ZNF729: variants seen among roughly 807,000 people sequenced by gnomAD.
ZNF729 encodes the protein zinc finger protein 729.
In ZNF729, 15 loss-of-function variants were observed where a neutral mutation model predicts 12.2. That is an observed-to-expected ratio of 1.23 (90% CI 0.82 to 1.89). ZNF729 has a LOEUF of 1.89. Among genes scored for constraint, ZNF729 ranks in the 40% most tolerant of loss-of-function variants. The probability of loss-of-function intolerance (pLI) is 0.00; values close to 1 mark genes in which losing one functional copy is unlikely to be tolerated. For synonymous variants in ZNF729, 492 were observed against 476.3 expected (o/e 1.03, Z -0.43); for missense variants, 1,540 against 1,456.7 (o/e 1.06, Z -0.93).
intron 3 of ZNF729, among the ~76,000 whole-genome samples, chr19:22,305,256 C>A (rs930534076): frequency 6.6e-6 from 1 of 152,178 alleles, no homozygotes; most frequent in African/African-American, 2.4e-5. Flanking sequence ...GCACACACTT[C>A]TTGTACAGTC....
rs1481258551 is a variant in ZNF729 at position 22,315,170 on chromosome 19, T to A, written c.1753T>A (p.Ser585Thr). 4.3e-6 allele frequency: 7 copies of A among 1,611,742 alleles called. No individual in the cohort carries two copies. Among genetic ancestry groups the A allele is most frequent in the Middle Eastern group, 3.3e-4 (2 of 6,054 alleles). Residue 585 changes from serine to threonine, a missense_variant, in exon 4 of 4, where the codon TCA becomes ACA. Physicochemically the swap from Ser to Thr is moderately conservative, Grantham distance 58 (BLOSUM62 1). Coordinates refer to ENST00000601693, the MANE Select transcript of ZNF729 (RefSeq NM_001242680.2). Reference protein sequence around the residue: ...EECGKAFKHFSALRKHKVIHT... With the variant: ...EECGKAFKHFTALRKHKVIHT... ...ATGTGGCAAAGCTTTTAAGCATTTCTCAGCCCTCAGAAAACATAAGGTAAT... is the reference window on the plus strand; with the variant it reads ...ATGTGGCAAAGCTTTTAAGCATTTCACAGCCCTCAGAAAACATAAGGTAAT...
At chr19:22,289,913 A>G (rs1364961142) in intron 1 of ZNF729, among the ~76,000 whole-genome samples, 1 of 152,180 alleles carries the variant, frequency 6.6e-6, no homozygotes, top group East Asian at 1.9e-4. Flanking sequence ...GGAAATAGTA[A>G]AATAATATTT....
At chr19:22,287,848 CTT>C (rs542002326) in intron 1 of ZNF729, among the ~76,000 whole-genome samples, 22 of 138,204 alleles carry the variant, frequency 1.6e-4, no homozygotes, top group Admixed American at 1.5e-4. Context: ...ACTATTTGTC[CTT>C]TTTTTTTTTT....
In ZNF729 at chr19:22,312,393, T is replaced by C. The variant is rs142017679; in HGVS notation, c.254-1278T>C. Among the ~76,000 whole-genome samples the C allele has an allele frequency of 1.2e-3, 187 of 151,700 alleles. 1 individual carries two copies. Among genetic ancestry groups the C allele is most frequent in the African/African-American group, 4.3e-3 (176 of 41,228 alleles). ...TGAAACCAATTGTCTTGGCTAGAGA[T>C]TCTGGGAGTCTGTCAAACATGTTCT... On this transcript the variant is annotated intron_variant, in intron 3 of 3. Transcript: ENST00000601693.
intron 1 of ZNF729, among the ~76,000 whole-genome samples, chr19:22,290,787 CTG>C (rs1483630028): frequency 6.6e-6 from 1 of 151,990 alleles, no homozygotes; most frequent in East Asian, 1.9e-4. Flanking sequence ...TGTGCAGAGT[CTG>C]TGTCTGGCTA....
At chr19:22,311,932 C>A (rs151216567) in intron 3 of ZNF729, among the ~76,000 whole-genome samples, 2,456 of 152,010 alleles carry the variant, frequency 0.016, 80 homozygotes, top group African/African-American at 0.056. Context: ...AGACCTTTTA[C>A]CATTGTATAA....
At chr19:22,310,381 G>T (rs1189962069) in intron 3 of ZNF729, among the ~76,000 whole-genome samples, 1 of 152,026 alleles carries the variant, frequency 6.6e-6, no homozygotes, top group Non-Finnish European at 1.5e-5. Flanking sequence ...TCCCTTGTAT[G>T]CCAATTTTGC....
chr19:22,293,267 T>C (rs556607524), intron 1 of ZNF729, among the ~76,000 whole-genome samples: 14 of 152,186 alleles, frequency 9.2e-5, no homozygotes, highest in African/African-American at 3.4e-4. Flanking sequence ...CAAACGGCAA[T>C]CTTCACCTCC....
intron 1 of ZNF729, among the ~76,000 whole-genome samples, chr19:22,290,001 A>G (rs1401681007): frequency 2.6e-5 from 4 of 152,214 alleles, no homozygotes. Context: ...TTCTTCCCTT[A>G]CATGTACACT....
chr19:22,286,878 C>T (rs1968085412), intron 1 of ZNF729, among the ~76,000 whole-genome samples: 1 of 152,180 alleles, frequency 6.6e-6, no homozygotes, highest in South Asian at 2.1e-4. Flanking sequence ...ATCCTGACTC[C>T]GGATGCGGGT....
chr19:22,310,250 C>T (rs566646179), intron 3 of ZNF729, among the ~76,000 whole-genome samples: 10 of 152,076 alleles, frequency 6.6e-5, no homozygotes, highest in African/African-American at 1.9e-4. Context: ...GTTGAAGAAG[C>T]ATGGCGAGAG....
intron 1 of ZNF729, among the ~76,000 whole-genome samples, chr19:22,293,109 G>T (rs965972676): frequency 2.0e-5 from 3 of 152,130 alleles, no homozygotes; most frequent in African/African-American, 7.2e-5. Flanking sequence ...TTTCTCTAGT[G>T]ATGAGTATTT....
intron 3 of ZNF729, among the ~76,000 whole-genome samples, chr19:22,310,679 T>C (rs1160064276): frequency 6.6e-6 from 1 of 152,172 alleles, no homozygotes; most frequent in East Asian, 1.9e-4. Context: ...TGCCCTTTTC[T>C]AATTTTGGTA....
chr19:22,315,431 A>G lies in ZNF729; in HGVS notation c.2014A>G (p.Arg672Gly), dbSNP rs757347760. The G allele has an allele frequency of 1.1e-5, 18 of 1,612,852 alleles. No homozygotes were observed. The highest frequency in any genetic ancestry group is 1.4e-5 in the Non-Finnish European group (17 of 1,179,682). ...AGCTTTTAGCCATTTCTCAGCCCTT[A>G]GAAGACATAAGATAATTCATACTGG... ...GKAFSHFSALRRHKIIHTGKK... is the reference protein window; with the variant it reads ...GKAFSHFSALGRHKIIHTGKK... Residue 672 changes from arginine (R) to glycine (G), a missense_variant, in exon 4 of 4, where the codon AGA becomes GGA. Transcript: ENST00000601693.
chr19:22,294,731 A>AC (rs1968203551), intron 1 of ZNF729, among the ~76,000 whole-genome samples: 1 of 142,480 alleles, frequency 7.0e-6, no homozygotes, highest in Non-Finnish European at 1.5e-5. Context: ...GTCTTAGCTC[A>AC]CCACAACCTC....
At chr19:22,291,891 G>A (rs1316748356) in intron 1 of ZNF729, among the ~76,000 whole-genome samples, 2 of 151,980 alleles carry the variant, frequency 1.3e-5, no homozygotes, top group African/African-American at 2.4e-5. Context: ...CTGCCACCAC[G>A]CCCCGCTAAT....
At position 22,316,743 on chromosome 19, in the gene ZNF729, G is replaced by A; in HGVS notation, c.3326G>A (p.Cys1109Tyr). 6.2e-7 allele frequency: 1 copy of A among 1,612,852 alleles called. No homozygotes were observed. Among genetic ancestry groups the A allele is most frequent in the Non-Finnish European group, 8.5e-7 (1 of 1,179,740 alleles). The stretch of plus-strand genomic sequence containing the variant: ...AAGAAACCCTACCAATGTGACGAAT[G>A]TGGCAAAGCTTTTAACAATTCCTCA... ...TGKKPYQCDECGKAFNNSSTL... is the reference protein window; with the variant it reads ...TGKKPYQCDEYGKAFNNSSTL... Residue 1109 changes from cysteine to tyrosine, a missense_variant, in exon 4 of 4, where the codon TGT becomes TAT. Transcript: ENST00000601693.
In ZNF729 at chr19:22,316,887, A is replaced by G. The variant is rs1355915062; in HGVS notation, c.3470A>G (p.Glu1157Gly). 7 of 1,613,108 alleles carry G rather than the reference A, an allele frequency of 4.3e-6. No homozygotes were observed. The highest frequency in any genetic ancestry group is 5.9e-6 in the Non-Finnish European group (7 of 1,179,972). Residue 1157 changes from glutamate to glycine, a missense_variant, in exon 4 of 4, where the codon GAG (glutamate) becomes GGG (glycine). Physicochemically the swap from Glu to Gly is moderately conservative, Grantham distance 98. Transcript: ENST00000601693. Reference protein sequence around the residue: ...LTKHKIIHSVEKPYKCEECGK... With the variant: ...LTKHKIIHSVGKPYKCEECGK... The stretch of plus-strand genomic sequence containing the variant: ...AAACATAAGATAATTCATTCTGTAG[A>G]GAAACCCTACAAATGTGAAGAATGT...
chr19:22,295,592 G>T (rs1480152330), intron 1 of ZNF729, among the ~76,000 whole-genome samples: 1 of 152,000 alleles, frequency 6.6e-6, no homozygotes, highest in African/African-American at 2.4e-5. Flanking sequence ...ACTGGAGACG[G>T]GGTTTCACCG....
Sources: allele counts gnomAD v4.1 joint callset (sites outside exome capture counted in the v4.1 genomes callset), GRCh38; gene constraint gnomAD v4.1.1; transcripts MANE v1.5; gene names NCBI Gene and HGNC (gene_info 2026-07-23, HGNC 2026-07-21).